PROCR: variants seen among roughly 807,000 people sequenced by gnomAD.
PROCR encodes protein C receptor.
A neutral mutation model predicts 24.2 loss-of-function variants in PROCR; 22 were observed. That is an observed-to-expected ratio of 0.91 (90% confidence interval 0.65 to 1.30). PROCR has a LOEUF of 1.30. Ranked by LOEUF, PROCR falls within the 50% of genes most tolerant of loss-of-function variation. The probability of loss-of-function intolerance (pLI) is 0.00; values close to 1 mark genes in which losing one functional copy is unlikely to be tolerated. For missense variants in PROCR, 288 were observed against 307.7 expected (o/e 0.94, Z 0.48); for synonymous variants, 137 against 139.2 (o/e 0.98, Z 0.11).
chr20:35,176,775 G>A lies in PROCR; in HGVS notation c.679G>A (p.Val227Ile), dbSNP rs2086024129. The A allele has an allele frequency of 1.9e-6, 3 of 1,613,946 alleles. No homozygotes were observed. The highest frequency in any genetic ancestry group is 2.7e-5 in the African/African-American group (2 of 74,900). ...CAGTTTCATCATTGCTGGTGTGGCT[G>A]TAGGCATCTTCCTGTGCACAGGTGG... ...VGSFIIAGVA[V>I]GIFLCTGGRR... Residue 227 changes from valine (V) to isoleucine (I), a missense_variant, in exon 4 of 4, where the codon GTA (valine) becomes ATA (isoleucine). Transcript: ENST00000216968.
chr20:35,207,569 G>A (rs2060347214), intron 1 of PROCR, among the ~76,000 whole-genome samples: 1 of 151,382 alleles, frequency 6.6e-6, no homozygotes, highest in Non-Finnish European at 1.5e-5. Context: ...TTACTCTGTT[G>A]CCCAGGCTGG....
chr20:35,179,232 C>CAAA (rs61421342), downstream of PROCR, among the ~76,000 whole-genome samples: 2 of 76,606 alleles, frequency 2.6e-5, no homozygotes, highest in Non-Finnish European at 2.5e-5. Flanking sequence ...GACTCCATCT[C>CAAA]AAAAAAAAAA....
intron 1 of PROCR, among the ~76,000 whole-genome samples, chr20:35,210,020 A>G (rs951898423): frequency 6.6e-6 from 1 of 152,132 alleles, no homozygotes; most frequent in Non-Finnish European, 1.5e-5. Flanking sequence ...GGACCCCAGG[A>G]GTTTGAGACC....
chr20:35,200,510 A>G (rs567133435), intron 1 of PROCR, among the ~76,000 whole-genome samples: 273 of 152,358 alleles, frequency 1.8e-3, no homozygotes, highest in Non-Finnish European at 3.4e-3. Flanking sequence ...TTTAAGCAAC[A>G]AAGTACTTTT....
chr20:35,180,688 C>G (rs1221834675), downstream of PROCR, among the ~76,000 whole-genome samples: 1 of 152,174 alleles, frequency 6.6e-6, no homozygotes, highest in African/African-American at 2.4e-5. Flanking sequence ...GTGTGTCTCT[C>G]TCTCTTTCAA....
At chr20:35,208,701 G>A (rs1310170087) in intron 1 of PROCR, among the ~76,000 whole-genome samples, 5 of 152,200 alleles carry the variant, frequency 3.3e-5, no homozygotes, top group Non-Finnish European at 2.9e-5. Flanking sequence ...TCAGCTGGAC[G>A]TGGTGGCTCA....
chr20:35,184,487 G>A (rs2086105455), intron 1 of PROCR, among the ~76,000 whole-genome samples: 2 of 152,036 alleles, frequency 1.3e-5, no homozygotes, highest in South Asian at 2.1e-4. Flanking sequence ...AGATCACGAG[G>A]TCAGGAGATT....
intron 1 of PROCR, among the ~76,000 whole-genome samples, chr20:35,187,157 C>T (rs926661493): frequency 1.3e-5 from 2 of 152,124 alleles, no homozygotes; most frequent in Non-Finnish European, 2.9e-5. Flanking sequence ...CTCAAACGAT[C>T]CTCCCACCTC....
chr20:35,184,829 C>CA (rs1029670539), intron 1 of PROCR, among the ~76,000 whole-genome samples: 14 of 151,888 alleles, frequency 9.2e-5, no homozygotes, highest in African/African-American at 3.4e-4. Flanking sequence ...GATTTCAAGA[C>CA]AAAAAAACCA....
chr20:35,215,176 G>T (rs1359848046), intron 1 of PROCR, among the ~76,000 whole-genome samples: 1 of 152,190 alleles, frequency 6.6e-6, no homozygotes, highest in Non-Finnish European at 1.5e-5. Context: ...TCCCAAAGGT[G>T]CTGGGATTAC....
chr20:35,188,525 T>C (rs1022373218), intron 1 of PROCR, among the ~76,000 whole-genome samples: 1 of 152,150 alleles, frequency 6.6e-6, no homozygotes, highest in Non-Finnish European at 1.5e-5. Context: ...ATACCCAACA[T>C]AGTGCCTGGC....
intron 1 of PROCR, chr20:35,202,616 G>A (rs2060323176): frequency 2.6e-5 from 4 of 152,132 alleles, no homozygotes; most frequent in African/African-American, 7.2e-5. Context: ...ATATAGGGAA[G>A]TTACATAATG....
chr20:35,184,391 T>C (rs1312009837), intron 1 of PROCR, among the ~76,000 whole-genome samples: 1 of 152,168 alleles, frequency 6.6e-6, no homozygotes, highest in African/African-American at 2.4e-5. Context: ...TTTTACCTTA[T>C]ACAAAAATCA....
intron 1 of PROCR, among the ~76,000 whole-genome samples, chr20:35,214,879 C>G (rs1426358166): frequency 6.6e-6 from 1 of 150,926 alleles, no homozygotes; most frequent in Non-Finnish European, 1.5e-5. Context: ...TTTCCTTCCT[C>G]CAGGCCTTTA....
intron 1 of PROCR, among the ~76,000 whole-genome samples, chr20:35,199,864 A>G (rs1000947247): frequency 6.6e-6 from 1 of 152,216 alleles, no homozygotes; most frequent in Non-Finnish European, 1.5e-5. Flanking sequence ...TCTAAATGTC[A>G]TTAAGAACAG....
chr20:35,185,427 C>T (rs1254365888), intron 1 of PROCR, among the ~76,000 whole-genome samples: 1 of 152,200 alleles, frequency 6.6e-6, no homozygotes, highest in Non-Finnish European at 1.5e-5. Context: ...AAAAAAGATA[C>T]TTGCACACGC....
At chr20:35,186,233 A>G (rs887117398) in intron 1 of PROCR, among the ~76,000 whole-genome samples, 7 of 152,200 alleles carry the variant, frequency 4.6e-5, no homozygotes, top group Non-Finnish European at 7.3e-5. Context: ...AGCCATGAAA[A>G]TGAGGTACTG....
chr20:35,178,146 G>A (rs1287914938), downstream of PROCR, among the ~76,000 whole-genome samples: 1 of 151,990 alleles, frequency 6.6e-6, no homozygotes, highest in Non-Finnish European at 1.5e-5. Flanking sequence ...GCTCACGCCT[G>A]TAATCCCAGC....
chr20:35,194,553 C>T (rs1173220203), intron 1 of PROCR, among the ~76,000 whole-genome samples: 2 of 152,114 alleles, frequency 1.3e-5, no homozygotes, highest in African/African-American at 4.8e-5. Context: ...GACAGTTCCT[C>T]TAGGGAGGAA....
Sources: allele counts gnomAD v4.1 joint callset (sites outside exome capture counted in the v4.1 genomes callset), GRCh38; gene constraint gnomAD v4.1.1; transcripts MANE v1.5; gene names NCBI Gene and HGNC (gene_info 2026-07-23, HGNC 2026-07-21).